Variants in ALK observed in about 807,000 individuals in gnomAD.
ALK encodes the protein ALK receptor tyrosine kinase, also known as ALK tyrosine kinase receptor.
Under a neutral mutation model 163.1 loss-of-function variants are expected in ALK, and 74 were observed. The ratio of observed to expected loss-of-function variants is 0.45; its 90% confidence interval spans 0.38 to 0.55. The LOEUF (loss-of-function observed/expected upper bound fraction) is 0.55. Ranked by LOEUF, ALK falls within the 20% of genes least tolerant of loss-of-function variation. The pLI is 0.00. For synonymous variants in ALK, 960 were observed against 843.2 expected (o/e 1.14, Z -2.40); for missense variants, 2,063 against 2,105.3 (o/e 0.98, Z 0.39).
At chr2:29,828,027 T>C (rs948519781) in intron 1 of ALK, among the ~76,000 whole-genome samples, 16 of 152,206 alleles carry the variant, frequency 1.1e-4, no homozygotes, top group African/African-American at 3.9e-4. Flanking sequence ...TCTACAACTA[T>C]CTGATCTTTG....
rs1429721744 is a variant in ALK, at chr2:29,431,011, T to A, written c.1155-47152A>T. Among the ~76,000 whole-genome samples, 3 of 151,434 alleles carry A rather than the reference T, an allele frequency of 2.0e-5. No individual in the cohort carries two copies. The South Asian group carries it at 6.2e-4, about 31-fold the overall frequency. ...CAAGGCGAGGCTTTTTTTTTTTTTT[T>A]CTTCTGTATCTCAGGGATAAGAGTA... On this transcript the variant is annotated intron_variant, in intron 4 of 28. Transcript: ENST00000389048.
At chr2:29,592,879 A>C (rs904718269) in intron 3 of ALK, among the ~76,000 whole-genome samples, 1 of 152,156 alleles carries the variant, frequency 6.6e-6, no homozygotes, top group Non-Finnish European at 1.5e-5. Context: ...CCAGAACTGG[A>C]AGAGGCAAGA....
Position 29,404,624 on chromosome 2 carries a change from T to C in ALK, c.1155-20765A>G, listed in dbSNP as rs147550472. ...CCCAAGGCACCTATAAGCAATTTCA[T>C]TGAATTCAACAAACATTTATTGAGT... On this transcript the variant is annotated intron_variant, in intron 4 of 28. Transcript: ENST00000389048. Among the ~76,000 whole-genome samples, 81 of 152,286 alleles carry C rather than the reference T, an allele frequency of 5.3e-4. No homozygotes were observed. The East Asian group carries it at 5.4e-3, about 10-fold the overall frequency.
intron 3 of ALK, among the ~76,000 whole-genome samples, chr2:29,685,631 C>CCCTGGT (rs1330694192): frequency 6.6e-6 from 1 of 152,014 alleles, no homozygotes; most frequent in South Asian, 2.1e-4. Flanking sequence ...CCCAGGTAAG[C>CCCTGGT]CCTGGCCCTG....
intron 1 of ALK, among the ~76,000 whole-genome samples, chr2:29,756,068 T>A (rs116204536): frequency 1.3e-5 from 2 of 152,214 alleles, no homozygotes; most frequent in Non-Finnish European, 2.9e-5. Flanking sequence ...CTACACACAG[T>A]GGCAAGGAGC....
chr2:29,315,050 T>C (rs540912789), intron 8 of ALK, among the ~76,000 whole-genome samples: 40 of 152,062 alleles, frequency 2.6e-4, no homozygotes, highest in Admixed American at 7.2e-4. Context: ...AAAAATAACA[T>C]CAGAATATAT....
At chr2:29,557,412 T>C (rs2148180017) in intron 3 of ALK, among the ~76,000 whole-genome samples, 1 of 152,326 alleles carries the variant, frequency 6.6e-6, no homozygotes, top group Non-Finnish European at 1.5e-5. Flanking sequence ...TCCAGCCAGA[T>C]TCTCAGGGCT....
At chr2:29,281,498 G>A (rs765155144) in intron 9 of ALK, among the ~76,000 whole-genome samples, 5 of 152,314 alleles carry the variant, frequency 3.3e-5, no homozygotes, top group South Asian at 2.1e-4. Context: ...TTCATAGTTC[G>A]TACCTGCTCA....
chr2:29,541,628 T>C (rs1381523243), intron 3 of ALK, among the ~76,000 whole-genome samples: 1 of 152,222 alleles, frequency 6.6e-6, no homozygotes, highest in African/African-American at 2.4e-5. Context: ...AAGTGGGGAC[T>C]GAAGGAAATA....
intron 11 of ALK, among the ~76,000 whole-genome samples, chr2:29,262,206 A>G (rs2148206085): frequency 6.6e-6 from 1 of 152,328 alleles, no homozygotes. Context: ...ATTGCAAAGT[A>G]AACCTGGGGC....
chr2:29,522,573 C>G (rs1484937299), intron 4 of ALK, among the ~76,000 whole-genome samples: 1 of 152,066 alleles, frequency 6.6e-6, no homozygotes, highest in Admixed American at 6.5e-5. Flanking sequence ...TAGGGAGAGA[C>G]AAGCTGGTAA....
intron 1 of ALK, among the ~76,000 whole-genome samples, chr2:29,752,573 CT>C (rs1221088771): frequency 1.3e-5 from 2 of 151,890 alleles, no homozygotes; most frequent in Non-Finnish European, 2.9e-5. Context: ...TGGTCTCGAT[CT>C]CCTGACCTCG....
At chr2:29,717,791 G>A (rs1679306629) in intron 1 of ALK, 94 bp from the exon 2 acceptor site, 4 of 1,551,214 alleles carry the variant, frequency 2.6e-6, no homozygotes, top group South Asian at 2.3e-5. Flanking sequence ...GTTTATAAGG[G>A]GCTTTCATGA....
chr2:29,909,170 TACCATGAATA>T (rs1667631004), intron 1 of ALK, among the ~76,000 whole-genome samples: 1 of 152,200 alleles, frequency 6.6e-6, no homozygotes, highest in South Asian at 2.1e-4. Context: ...TGATCCTTCC[TACCATGAATA>T]ACTGTAAAAC....
chr2:29,608,140 A>G (rs1237682869), intron 3 of ALK, among the ~76,000 whole-genome samples: 1 of 152,162 alleles, frequency 6.6e-6, no homozygotes, highest in African/African-American at 2.4e-5. Context: ...ACAACTCTCT[A>G]TAAATATATG....
At chr2:29,756,879 C>T (rs1680549845) in intron 1 of ALK, among the ~76,000 whole-genome samples, 2 of 152,172 alleles carry the variant, frequency 1.3e-5, no homozygotes, top group South Asian at 4.1e-4. Context: ...AGGAACATTA[C>T]AGAGAACAAG....
At chr2:29,318,101 T>G (rs569945079) in intron 8 of ALK, among the ~76,000 whole-genome samples, 1 of 152,350 alleles carries the variant, frequency 6.6e-6, no homozygotes, top group African/African-American at 2.4e-5. Context: ...TGGGTATGGC[T>G]GTTTAAGGCA....
intron 13 of ALK, among the ~76,000 whole-genome samples, chr2:29,235,614 G>A (rs1664353394): frequency 6.6e-6 from 1 of 152,144 alleles, no homozygotes; most frequent in Admixed American, 6.5e-5. Context: ...TGCAGGGAAT[G>A]TGCCCTGAGG....
intron 4 of ALK, among the ~76,000 whole-genome samples, chr2:29,484,934 A>T (rs1671745024): frequency 6.6e-6 from 1 of 152,148 alleles, no homozygotes; most frequent in Admixed American, 6.5e-5. Context: ...TAATCCCTTT[A>T]AAAAATATTC....
Sources: gnomAD v4.1 joint callset for allele counts (sites outside exome capture counted in the v4.1 genomes callset) on GRCh38, gnomAD v4.1.1 for gene constraint, MANE v1.5 for transcripts, NCBI Gene and HGNC (gene_info 2026-07-23, HGNC 2026-07-21) for gene names.